Variants in LGR4 observed in about 807,000 individuals in gnomAD.
LGR4 encodes the protein leucine rich repeat containing G protein-coupled receptor 4.
LGR4 carries 44 observed loss-of-function variants against 84.8 expected under a neutral mutation model. The observed-to-expected ratio is 0.52, with a 90% CI of 0.41 to 0.67. LGR4 has a LOEUF of 0.67. Among genes scored for constraint, LGR4 ranks in the 30% least tolerant of loss-of-function variants. The probability of loss-of-function intolerance (pLI) is 0.00; values close to 1 mark genes in which losing one functional copy is unlikely to be tolerated. For synonymous variants in LGR4, 429 were observed against 434.3 expected, an observed-to-expected ratio of 0.99 and a Z score of 0.15; for missense variants, 1,032 against 1,131.4, an observed-to-expected ratio of 0.91 and a Z score of 1.26.
intron 1 of LGR4, among the ~76,000 whole-genome samples, chr11:27,419,606 TATATAA>T (rs1172303693): frequency 6.8e-6 from 1 of 147,610 alleles, no homozygotes; most frequent in Non-Finnish European, 1.5e-5. Context: ...ATATGTATTA[TATATAA>T]ATATAATATA....
At position 27,367,197 on chromosome 11, in the gene LGR4, A is replaced by G. The variant is rs917883092; in HGVS notation, c.*670T>C. 2.0e-5 allele frequency: 3 copies of G among 152,246 alleles called. No individual in the cohort carries two copies. Among genetic ancestry groups the G allele is most frequent in the Non-Finnish European group, 4.4e-5 (3 of 68,030 alleles). The allele number at this position is 152,246 out of a possible 1,614,324, so 9.4% of individuals were successfully genotyped here. Reference sequence around the variant, plus strand: ...AAAAAATTACTGATTGGACCAAAGCAATGTATAATGACTGAAAACAAATGT... The same window carrying G: ...AAAAAATTACTGATTGGACCAAAGCGATGTATAATGACTGAAAACAAATGT... On this transcript the variant is annotated 3_prime_UTR_variant, in exon 18 of 18. Coordinates refer to ENST00000379214, the MANE Select transcript of LGR4 (RefSeq NM_018490.5).
At chr11:27,406,150 CCCCTAT>C (rs1165263774) in intron 2 of LGR4, among the ~76,000 whole-genome samples, 1 of 152,092 alleles carries the variant, frequency 6.6e-6, no homozygotes, top group African/African-American at 2.4e-5. Context: ...TGAATAACTC[CCCCTAT>C]CCCCTCTAGG....
intron 1 of LGR4, among the ~76,000 whole-genome samples, chr11:27,454,185 A>T (rs923628787): frequency 6.6e-6 from 1 of 152,108 alleles, no homozygotes; most frequent in African/African-American, 2.4e-5. Flanking sequence ...TCTACCTATA[A>T]CCTGGAAGCT....
intron 2 of LGR4, among the ~76,000 whole-genome samples, chr11:27,393,555 T>C (rs1046456158): frequency 3.9e-5 from 6 of 152,086 alleles, no homozygotes; most frequent in African/African-American, 9.7e-5. Context: ...TTAAAAAATA[T>C]ATAAAACTTA....
chr11:27,464,534 T>C (rs1340175782), intron 1 of LGR4, among the ~76,000 whole-genome samples: 3 of 152,212 alleles, frequency 2.0e-5, no homozygotes, highest in South Asian at 2.1e-4. Flanking sequence ...GGAGTTTCGA[T>C]GTCACCACTT....
chr11:27,421,862 A>C (rs1863927993), intron 1 of LGR4, among the ~76,000 whole-genome samples: 1 of 152,228 alleles, frequency 6.6e-6, no homozygotes, highest in South Asian at 2.1e-4. Flanking sequence ...TTCTGGAGTA[A>C]TGTCTATTAA....
At chr11:27,404,807 G>A (rs1253123606) in intron 2 of LGR4, among the ~76,000 whole-genome samples, 2 of 152,214 alleles carry the variant, frequency 1.3e-5, no homozygotes, top group African/African-American at 4.8e-5. Flanking sequence ...CCCACTCTAT[G>A]GAGACAGGCT....
intron 17 of LGR4, among the ~76,000 whole-genome samples, chr11:27,369,366 C>T (rs146819619): frequency 7.1e-4 from 108 of 152,088 alleles, no homozygotes; most frequent in African/African-American, 2.5e-3. Flanking sequence ...TTTGGTAAGG[C>T]TATAAATATT....
In LGR4 at chr11:27,401,301, T is replaced by C. The variant is rs542270544; in HGVS notation, c.258-8783A>G. Among the ~76,000 whole-genome samples the C allele has an allele frequency of 1.4e-4, 21 of 152,320 alleles. 1 individual carries two copies. The highest frequency in any genetic ancestry group is 6.8e-3 in the Middle Eastern group (2 of 294). On this transcript the variant is annotated intron_variant, in intron 2 of 17. Coordinates refer to ENST00000379214, the MANE Select transcript of LGR4 (RefSeq NM_018490.5). Reference sequence around the variant, plus strand: ...CCTACTAAAGAGCTTTATATTCAATTCACGGAAACTTTAAGTTCCACCTGC... The same window carrying C: ...CCTACTAAAGAGCTTTATATTCAATCCACGGAAACTTTAAGTTCCACCTGC...
At chr11:27,451,296 C>A (rs897246433) in intron 1 of LGR4, among the ~76,000 whole-genome samples, 1 of 152,146 alleles carries the variant, frequency 6.6e-6, no homozygotes, top group Non-Finnish European at 1.5e-5. Context: ...CCAGACATCA[C>A]TTAAGAACTG....
chr11:27,418,606 T>C (rs901486165), intron 1 of LGR4, among the ~76,000 whole-genome samples: 16 of 152,132 alleles, frequency 1.1e-4, no homozygotes, highest in African/African-American at 2.7e-4. Context: ...AACACCCATA[T>C]TGACACTTAA....
chr11:27,437,098 G>A (rs1458712955), intron 1 of LGR4, among the ~76,000 whole-genome samples: 1 of 152,144 alleles, frequency 6.6e-6, no homozygotes, highest in Non-Finnish European at 1.5e-5. Flanking sequence ...AGTTGGGATG[G>A]GTCTTAAATT....
rs567659416 is a variant in LGR4, at chr11:27,423,316, C to T, written c.186-10456G>A. 1.3e-4 allele frequency among the ~76,000 whole-genome samples: 20 copies of T among 152,254 alleles called. No individual in the cohort carries two copies. The East Asian group carries it at 3.5e-3, about 26-fold the overall frequency. ...ATCCATATACCCTGAAGACCAGCTGCCAACCGTCAGAGCCTGAACCCAAAG... is the reference window on the plus strand; with the variant it reads ...ATCCATATACCCTGAAGACCAGCTGTCAACCGTCAGAGCCTGAACCCAAAG... On this transcript the variant is annotated intron_variant, in intron 1 of 17. Coordinates refer to ENST00000379214, the MANE Select transcript of LGR4 (RefSeq NM_018490.5).
intron 12 of LGR4, among the ~76,000 whole-genome samples, chr11:27,376,892 C>A (rs775144495): frequency 6.6e-6 from 1 of 152,158 alleles, no homozygotes; most frequent in Non-Finnish European, 1.5e-5. Context: ...AATAGCTGGA[C>A]AAGTTTTTGT....
At chr11:27,378,641 A>G (rs749909054) in intron 11 of LGR4, 56 bp downstream of exon 11, 3 of 1,159,528 alleles carry the variant, frequency 2.6e-6, no homozygotes, top group East Asian at 4.7e-5. Flanking sequence ...AAAATTGAAC[A>G]TGTGTGAATA....
chr11:27,471,973 C>T lies in LGR4; in HGVS notation c.185+145G>A, dbSNP rs1282708533. 1.9e-5 allele frequency: 9 copies of T among 472,446 alleles called. No homozygotes were observed. The East Asian group carries it at 2.5e-4, about 13-fold the overall frequency. The allele number at this position is 472,446 out of a possible 1,614,324, so 29.3% of individuals were successfully genotyped here. ...AGGAGTGGGTGCCAGGCAGCCCGCA[C>T]GCAGGTGACCGGCGGACCCCCTCCC... On this transcript the variant is annotated intron_variant, in intron 1 of 17. Transcript: ENST00000379214.
intron 1 of LGR4, among the ~76,000 whole-genome samples, chr11:27,453,095 G>T (rs964845863): frequency 2.7e-5 from 4 of 150,256 alleles, no homozygotes; most frequent in African/African-American, 7.3e-5. Flanking sequence ...TTGAGACAGG[G>T]TCTAGCTCTG....
At chr11:27,431,087 TACCA>T (rs1350570788) in intron 1 of LGR4, among the ~76,000 whole-genome samples, 7 of 152,110 alleles carry the variant, frequency 4.6e-5, no homozygotes, top group African/African-American at 1.7e-4. Context: ...AACTCTATAT[TACCA>T]ACCAGTTTAT....
At position 27,367,761 on chromosome 11, in the gene LGR4, C is replaced by T; in HGVS notation, c.*106G>A. 1.3e-6 allele frequency: 1 copy of T among 771,778 alleles called. No homozygotes were observed. Among genetic ancestry groups the T allele is most frequent in the African/African-American group, 1.7e-5 (1 of 57,922 alleles). The allele number at this position is 771,778 out of a possible 1,614,324, so 47.8% of individuals were successfully genotyped here. On this transcript the variant is annotated 3_prime_UTR_variant, in exon 18 of 18. Coordinates refer to ENST00000379214, the MANE Select transcript of LGR4 (RefSeq NM_018490.5). The stretch of plus-strand genomic sequence containing the variant: ...CCACCTCTCCTTCTTCTAAGTGACA[C>T]CAGGCAGTGATTACAGAAGTGCTTC...
Sources: gnomAD v4.1 joint callset for allele counts (sites outside exome capture counted in the v4.1 genomes callset) on GRCh38, gnomAD v4.1.1 for gene constraint, MANE v1.5 for transcripts, NCBI Gene and HGNC (gene_info 2026-07-23, HGNC 2026-07-21) for gene names.